OPHN1: variants seen among roughly 807,000 people sequenced by gnomAD.
OPHN1 encodes the protein oligophrenin 1, also known as oligophrenin-1.
A neutral mutation model predicts 60.7 loss-of-function variants in OPHN1; 11 were observed. The ratio of observed to expected loss-of-function variants is 0.18; its 90% confidence interval spans 0.11 to 0.30. OPHN1 has a LOEUF of 0.30. OPHN1 is among the 10% of genes least tolerant of loss of function. The pLI is 1.00. For synonymous variants in OPHN1, 226 were observed against 222.6 expected (o/e 1.02, Z -0.14); for missense variants, 449 against 611.0 (o/e 0.73, Z 2.80).
chrX:68,187,058 A>G (rs1237584038), intron 15 of OPHN1, among the ~76,000 whole-genome samples: 2 of 112,055 alleles, frequency 1.8e-5, no homozygotes, highest in Non-Finnish European at 3.8e-5. Context: ...ATAAGTCAAT[A>G]AGATAACCAC....
Position 68,323,355 on chromosome X carries a change from C to G in OPHN1, c.155-24259G>C, listed in dbSNP as rs143164883. Among the ~76,000 whole-genome samples the G allele has an allele frequency of 2.0e-3, 224 of 111,648 alleles. 1 individual carries two copies. The highest frequency in any genetic ancestry group is 6.7e-3 in the African/African-American group (205 of 30,777). ...TTACTTCAGAGCCATTATACTTTCT[C>G]TTCCCTCACATGTCTTTCCTAAAAT... On this transcript the variant is annotated intron_variant, in intron 2 of 24. Transcript: ENST00000355520.
chrX:68,086,592 T>C (rs750911847), intron 19 of OPHN1, among the ~76,000 whole-genome samples: 3 of 112,219 alleles, frequency 2.7e-5, no homozygotes, highest in Non-Finnish European at 5.6e-5. Flanking sequence ...AAGGACATGA[T>C]TGAACAACTA....
At chrX:68,163,880 T>C (rs770477509) in intron 15 of OPHN1, among the ~76,000 whole-genome samples, 3 of 111,229 alleles carry the variant, frequency 2.7e-5, no homozygotes, top group Non-Finnish European at 3.8e-5. Context: ...TTATATCCTA[T>C]AAAGGGTGAT....
At chrX:68,396,523 C>T (rs1375770619) in intron 2 of OPHN1, among the ~76,000 whole-genome samples, 1 of 108,573 alleles carries the variant, frequency 9.2e-6, no homozygotes, top group African/African-American at 3.4e-5. Context: ...ACTCTGAATA[C>T]GAATGAGTTG....
At chrX:68,379,040 C>T (rs757367638) in intron 2 of OPHN1, among the ~76,000 whole-genome samples, 3 of 110,593 alleles carry the variant, frequency 2.7e-5, no homozygotes, top group East Asian at 5.7e-4. Context: ...GCCATTTTCA[C>T]GATATTGATT....
intron 5 of OPHN1, among the ~76,000 whole-genome samples, chrX:68,235,270 T>A (rs1392724937): frequency 2.7e-5 from 3 of 112,108 alleles, no homozygotes; most frequent in Non-Finnish European, 5.6e-5. Flanking sequence ...AAACACAGCA[T>A]CTAAAGTAGC....
chrX:68,108,741 C>T (rs2077092124), intron 18 of OPHN1, among the ~76,000 whole-genome samples: 1 of 111,779 alleles, frequency 8.9e-6, no homozygotes, highest in Non-Finnish European at 1.9e-5. Context: ...TGCTTTCTCT[C>T]TGTAATTATG....
At chrX:68,261,825 T>C (rs951317410) in intron 5 of OPHN1, among the ~76,000 whole-genome samples, 3 of 111,698 alleles carry the variant, frequency 2.7e-5, no homozygotes, top group Non-Finnish European at 5.6e-5. Context: ...AAATCCTGGA[T>C]TGTCCACTTC....
chrX:68,199,855 G>A (rs999903155), intron 11 of OPHN1, among the ~76,000 whole-genome samples: 6 of 112,703 alleles, frequency 5.3e-5, no homozygotes, highest in Non-Finnish European at 1.1e-4. Context: ...GAGGCCAGGA[G>A]TTCAAGTCAA....
chrX:68,212,435 A>C (rs767520179), intron 7 of OPHN1, among the ~76,000 whole-genome samples: 6 of 110,921 alleles, frequency 5.4e-5, no homozygotes, highest in Non-Finnish European at 1.1e-4. Context: ...AAATACAAAA[A>C]TTAGCTGGCC....
intron 15 of OPHN1, among the ~76,000 whole-genome samples, chrX:68,160,824 TATCTC>T (rs2077331272): frequency 9.0e-6 from 1 of 110,899 alleles, no homozygotes; most frequent in African/African-American, 3.3e-5. Flanking sequence ...AAAGAAGAAA[TATCTC>T]AAATCAATCA....
chrX:68,065,720 A>C (rs149010250), intron 20 of OPHN1, among the ~76,000 whole-genome samples: 272 of 111,824 alleles, frequency 2.4e-3, no homozygotes, highest in African/African-American at 8.6e-3. Context: ...TATGGTGAGG[A>C]TTACAGGAGA....
At position 68,433,274 on chromosome X, in the gene OPHN1, G is replaced by A; in HGVS notation, c.-111C>T. On this transcript the variant is annotated 5_prime_UTR_variant, in exon 1 of 25. Coordinates refer to ENST00000355520, the MANE Select transcript of OPHN1 (RefSeq NM_002547.3). ...GAGCTAACTATCGCAGTCGGATCCC[G>A]GCAGGGTGCTGCCTAGCAAGCAGCA... 2.6e-6 allele frequency: 1 copy of A among 382,743 alleles called. No homozygotes were observed. Among genetic ancestry groups the A allele is most frequent in the Non-Finnish European group, 4.5e-6 (1 of 221,754 alleles). 31.5% of individuals were successfully genotyped at this position (382,743 alleles called of 1,213,427 possible). A position where few individuals can be genotyped will look rare whatever the true frequency, so the allele number is the denominator to read the frequency against.
At chrX:68,109,559 T>C (rs1170272167) in intron 18 of OPHN1, among the ~76,000 whole-genome samples, 1 of 111,876 alleles carries the variant, frequency 8.9e-6, no homozygotes, top group Non-Finnish European at 1.9e-5. Flanking sequence ...GCTGGATCTA[T>C]GGCAACTCTA....
intron 21 of OPHN1, among the ~76,000 whole-genome samples, chrX:68,063,192 T>C (rs1161323699): frequency 9.3e-6 from 1 of 106,973 alleles, no homozygotes; most frequent in Non-Finnish European, 1.9e-5. Flanking sequence ...ATTTCCAAAT[T>C]AAAAAAAACA....
At chrX:68,089,241 G>T (rs1045613655) in intron 19 of OPHN1, among the ~76,000 whole-genome samples, 8 of 111,114 alleles carry the variant, frequency 7.2e-5, no homozygotes, top group African/African-American at 2.6e-4. Context: ...GAGACCTCAG[G>T]CCACTCAAAG....
intron 15 of OPHN1, among the ~76,000 whole-genome samples, chrX:68,156,670 T>C (rs1189226932): frequency 1.8e-5 from 2 of 111,754 alleles, no homozygotes; most frequent in Non-Finnish European, 3.8e-5. Flanking sequence ...CTTCTTCCAT[T>C]TAGTATAATG....
rs191996190 is a variant in OPHN1, at chrX:68,295,621, C to T, written c.250+3380G>A. On this transcript the variant is annotated intron_variant, in intron 3 of 24. Coordinates refer to ENST00000355520, the MANE Select transcript of OPHN1 (RefSeq NM_002547.3). The stretch of plus-strand genomic sequence containing the variant: ...TAAAGACAAGGCAATGCCAAGAAGG[C>T]ATAGATGTCTAACTCTAAAGCAGTG... 7.1e-3 allele frequency among the ~76,000 whole-genome samples: 804 copies of T among 112,661 alleles called. 10 individuals carry two copies. The highest frequency in any genetic ancestry group is 0.024 in the African/African-American group (758 of 31,039).
At chrX:68,082,982 C>T (rs1395897270) in intron 19 of OPHN1, among the ~76,000 whole-genome samples, 2 of 108,010 alleles carry the variant, frequency 1.9e-5, no homozygotes, top group African/African-American at 3.4e-5. Context: ...GCACTTGTCG[C>T]TTCACCTTGC....
Sources: allele counts gnomAD v4.1 joint callset (sites outside exome capture counted in the v4.1 genomes callset), GRCh38; gene constraint gnomAD v4.1.1; transcripts MANE v1.5; gene names NCBI Gene and HGNC (gene_info 2026-07-23, HGNC 2026-07-21).